METAP1D: variants seen among roughly 807,000 people sequenced by gnomAD.
METAP1D encodes the protein methionine aminopeptidase 1D, mitochondrial.
In METAP1D, 31 loss-of-function variants were observed where a neutral mutation model predicts 40.5. The ratio of observed to expected loss-of-function variants is 0.77; its 90% CI spans 0.58 to 1.03. The LOEUF is 1.03. METAP1D is among the 50% of genes least tolerant of loss of function. The pLI is 0.00. For missense variants in METAP1D, 411 were observed against 420.7 expected (o/e 0.98, Z 0.20); for synonymous variants, 151 against 146.4 (o/e 1.03, Z -0.22).
intron 6 of METAP1D, among the ~76,000 whole-genome samples, chr2:172,074,346 CTCTT>C (rs1343014022): frequency 1.4e-4 from 22 of 151,848 alleles, no homozygotes; most frequent in South Asian, 6.2e-4. Context: ...AAAAAATAAT[CTCTT>C]TCTATTAGAT....
chr2:172,009,300 C>T (rs1332226337), intron 1 of METAP1D, among the ~76,000 whole-genome samples: 1 of 152,124 alleles, frequency 6.6e-6, no homozygotes, highest in African/African-American at 2.4e-5. Flanking sequence ...ACTTCGGCCT[C>T]CCAAAGTGCT....
chr2:172,010,299 C>T (rs775645600), intron 1 of METAP1D, among the ~76,000 whole-genome samples: 1 of 151,646 alleles, frequency 6.6e-6, no homozygotes, highest in Admixed American at 6.6e-5. Flanking sequence ...CACCACCACA[C>T]CTGGCTAATT....
At chr2:172,027,623 T>G (rs1558999838) in intron 1 of METAP1D, among the ~76,000 whole-genome samples, 1 of 152,274 alleles carries the variant, frequency 6.6e-6, no homozygotes. Context: ...AGTGTGTATG[T>G]GTATTTATGA....
intron 1 of METAP1D, among the ~76,000 whole-genome samples, chr2:172,002,000 G>A (rs894495113): frequency 3.5e-5 from 4 of 115,086 alleles, no homozygotes; most frequent in African/African-American, 1.1e-4. Context: ...GGAGGTGGAG[G>A]TGGGAGGGAT....
At chr2:172,009,192 C>G (rs1339777511) in intron 1 of METAP1D, among the ~76,000 whole-genome samples, 1 of 151,900 alleles carries the variant, frequency 6.6e-6, no homozygotes, top group African/African-American at 2.4e-5. Context: ...GGGCGCCCAC[C>G]ACCGCGCCAG....
intron 1 of METAP1D, among the ~76,000 whole-genome samples, chr2:172,005,537 TATATATATC>T (rs1274417586): frequency 5.9e-5 from 7 of 118,738 alleles, no homozygotes; most frequent in Middle Eastern, 4.7e-3. Context: ...TATATATATA[TATATATATC>T]TTTTTTTTTT....
intron 1 of METAP1D, among the ~76,000 whole-genome samples, chr2:172,039,033 A>G (rs892330243): frequency 1.3e-5 from 2 of 152,214 alleles, no homozygotes; most frequent in Admixed American, 1.3e-4. Flanking sequence ...CCTCCTTTAC[A>G]GGATTTATAG....
chr2:172,022,633 G>A (rs1689032539), intron 1 of METAP1D, among the ~76,000 whole-genome samples: 2 of 151,994 alleles, frequency 1.3e-5, no homozygotes, highest in Admixed American at 6.6e-5. Context: ...TATTAGATTT[G>A]GAATCATAAT....
rs1690689933 is a variant in METAP1D at position 172,080,816 on chromosome 2, G to GTTC, written c.*410_*411insTTC. On this transcript the variant is annotated 3_prime_UTR_variant, in exon 10 of 10. Transcript: ENST00000315796. ...GACAGTTACAGTGATCTTTGTATCT[G>GTTC]AACTTTGCACGTCTGCCGAAAAATC... 1 of 223,980 alleles carries GTTC rather than the reference G, an allele frequency of 4.5e-6. No individual in the cohort carries two copies. The highest frequency in any genetic ancestry group is 8.9e-6 in the Non-Finnish European group (1 of 112,280). 13.9% of individuals were successfully genotyped at this position (223,980 alleles called of 1,614,324 possible).
intron 1 of METAP1D, among the ~76,000 whole-genome samples, chr2:172,017,579 C>CA (rs951005213): frequency 6.7e-6 from 1 of 148,822 alleles, no homozygotes; most frequent in Non-Finnish European, 1.5e-5. Context: ...AGTATGAGGG[C>CA]AAAAAAAAGT....
rs79033415 is a variant in METAP1D at position 172,020,637 on chromosome 2, T to C, written c.40+20628T>C. On this transcript the variant is annotated intron_variant, in intron 1 of 9. Transcript: ENST00000315796. ...GTACATCAACACAGACAAAACCCCC[T>C]ACCCTATAGGAGTTTGCATTGGTAG... Among the ~76,000 whole-genome samples the C allele has an allele frequency of 1.2e-4, 18 of 152,290 alleles. No individual in the cohort carries two copies. In the East Asian group the frequency reaches 3.5e-3, roughly 29 times the overall value.
chr2:172,030,102 T>TTTATTTATTTA (rs1559000803), intron 1 of METAP1D, among the ~76,000 whole-genome samples: 3 of 149,606 alleles, frequency 2.0e-5, no homozygotes, highest in East Asian at 2.0e-4. Context: ...TTATTTATTT[T>TTTATTTATTTA]TTTTGAGGCA....
At chr2:172,031,537 C>T (rs544579881) in intron 1 of METAP1D, among the ~76,000 whole-genome samples, 1 of 152,206 alleles carries the variant, frequency 6.6e-6, no homozygotes, top group Non-Finnish European at 1.5e-5. Context: ...TGGAGGAAGT[C>T]ATTCACATAT....
intron 1 of METAP1D, among the ~76,000 whole-genome samples, chr2:172,026,075 A>G (rs1214450714): frequency 6.6e-6 from 1 of 152,150 alleles, no homozygotes; most frequent in Middle Eastern, 3.4e-3. Flanking sequence ...TGTTTGTTTC[A>G]GTTGTTTTGT....
At chr2:172,045,868 G>A (rs1309128490) in intron 1 of METAP1D, among the ~76,000 whole-genome samples, 3 of 68,500 alleles carry the variant, frequency 4.4e-5, no homozygotes, top group South Asian at 5.1e-4. Context: ...TATATATGAC[G>A]GAATTCTTTA....
intron 1 of METAP1D, among the ~76,000 whole-genome samples, chr2:172,008,128 C>T (rs1688632477): frequency 6.7e-6 from 1 of 149,706 alleles, no homozygotes. Context: ...TTATATTCCA[C>T]AGGGCTTGTT....
At chr2:172,001,577 T>G (rs1688464864) in intron 1 of METAP1D, among the ~76,000 whole-genome samples, 1 of 151,006 alleles carries the variant, frequency 6.6e-6, no homozygotes, top group Non-Finnish European at 1.5e-5. Flanking sequence ...AAATAAGAAG[T>G]GAAGAGGAAG....
intron 1 of METAP1D, among the ~76,000 whole-genome samples, chr2:172,058,049 C>G (rs1356678448): frequency 1.3e-5 from 2 of 151,038 alleles, no homozygotes; most frequent in Non-Finnish European, 2.9e-5. Flanking sequence ...TCAAGTGATT[C>G]TCCTGCCTCA....
chr2:172,065,614 C>A lies in METAP1D; in HGVS notation c.359C>A (p.Thr120Lys). Residue 120 changes from threonine to lysine, a missense_variant, in exon 4 of 10, where the codon ACA becomes AAA. Coordinates refer to ENST00000315796, the MANE Select transcript of METAP1D (RefSeq NM_199227.3). ...LAGKSLKVDM[T>K]TEEIDALVHR... is the part of the protein sequence containing the mutation. ...TATTTAACATTTTAGGTTGACATGA[C>A]AACTGAAGAGATAGATGCTCTTGTT... is the stretch of plus-strand genomic sequence containing the variant. The A allele has an allele frequency of 6.2e-7, 1 of 1,613,350 alleles. No individual in the cohort carries two copies. The highest frequency in any genetic ancestry group is 8.5e-7 in the Non-Finnish European group (1 of 1,179,752).
Sources: gnomAD v4.1 joint callset for allele counts (sites outside exome capture counted in the v4.1 genomes callset) on GRCh38, gnomAD v4.1.1 for gene constraint, MANE v1.5 for transcripts, NCBI Gene and HGNC (gene_info 2026-07-23, HGNC 2026-07-21) for gene names.